The following TPRG1 variants were observed in gnomAD, a reference collection of about 807,000 sequenced individuals.
The protein encoded by TPRG1 is tumor protein p63-regulated gene 1 protein.
Under a neutral mutation model 29.3 loss-of-function variants are expected in TPRG1, and 29 were observed. That is an observed-to-expected ratio of 0.99 (90% confidence interval 0.74 to 1.35). TPRG1 has a LOEUF of 1.35. Among genes scored for constraint, TPRG1 ranks in the 40% most tolerant of loss-of-function variants. TPRG1 has a pLI of 0.00. For missense variants in TPRG1, 327 were observed against 335.0 expected (o/e 0.98, Z 0.19); for synonymous variants, 130 against 116.8 (o/e 1.11, Z -0.73).
At chr3:189,009,939 C>A (rs991211218) in intron 3 of TPRG1, among the ~76,000 whole-genome samples, 1 of 151,930 alleles carries the variant, frequency 6.6e-6, no homozygotes, top group Non-Finnish European at 1.5e-5. Context: ...TTTCCTGATC[C>A]TTTCCCACCC....
At chr3:189,068,515 G>A (rs916752817) in intron 4 of TPRG1, among the ~76,000 whole-genome samples, 5 of 152,210 alleles carry the variant, frequency 3.3e-5, no homozygotes, top group Non-Finnish European at 7.3e-5. Flanking sequence ...AGTGGCTCAC[G>A]CCTGTAATCC....
intron 4 of TPRG1, among the ~76,000 whole-genome samples, chr3:189,075,384 C>T (rs1180076992): frequency 6.6e-6 from 1 of 152,176 alleles, no homozygotes; most frequent in African/African-American, 2.4e-5. Context: ...ATCCACCCAC[C>T]TCGGCCTCCC....
chr3:189,288,736 C>T (rs1280324736), intron 4 of TPRG1, among the ~76,000 whole-genome samples: 1 of 152,256 alleles, frequency 6.6e-6, no homozygotes, highest in African/African-American at 2.4e-5. Flanking sequence ...AAATAGACTT[C>T]ATTATGATGC....
At chr3:189,002,286 CT>C (rs11351272) in intron 2 of TPRG1, among the ~76,000 whole-genome samples, 11,646 of 148,468 alleles carry the variant, frequency 0.078, 861 homozygotes, top group East Asian at 0.21. Flanking sequence ...CCAACATTCT[CT>C]TTTTTTTTTT....
chr3:189,054,463 A>G (rs950927465), intron 4 of TPRG1, among the ~76,000 whole-genome samples: 2 of 151,722 alleles, frequency 1.3e-5, no homozygotes, highest in African/African-American at 4.8e-5. Flanking sequence ...CCTGTAATCA[A>G]TGATCTTTGA....
At chr3:189,083,488 G>T (rs1717741000) in intron 4 of TPRG1, among the ~76,000 whole-genome samples, 1 of 152,152 alleles carries the variant, frequency 6.6e-6, no homozygotes, top group Non-Finnish European at 1.5e-5. Context: ...AGCAGGGAAG[G>T]GTTAGGTGAC....
chr3:189,259,897 C>G (rs963373509), intron 4 of TPRG1, among the ~76,000 whole-genome samples: 3 of 152,162 alleles, frequency 2.0e-5, no homozygotes, highest in Non-Finnish European at 1.5e-5. Flanking sequence ...CTGATTTCAC[C>G]TCCTCCTCTG....
At chr3:189,144,921 C>G (rs1725045020) in intron 3 of TPRG1, among the ~76,000 whole-genome samples, 1 of 152,154 alleles carries the variant, frequency 6.6e-6, no homozygotes. Flanking sequence ...GTTTCACGGG[C>G]AGGTGAATAA....
At chr3:189,052,710 A>C (rs1056170377) in intron 4 of TPRG1, among the ~76,000 whole-genome samples, 1 of 152,218 alleles carries the variant, frequency 6.6e-6, no homozygotes, top group African/African-American at 2.4e-5. Context: ...TCAATCAATG[A>C]GTGGATAAAG....
chr3:189,205,852 A>C (rs6785897), intron 1 of TPRG1, among the ~76,000 whole-genome samples: 17,592 of 152,208 alleles, frequency 0.12, 3,022 homozygotes, highest in African/African-American at 0.37. Flanking sequence ...CATTACTAGC[A>C]CCCACAGACA....
rs57595103 is a variant in TPRG1, at chr3:189,173,647, C to T, written c.-10+1516C>T. On this transcript the variant is annotated intron_variant, in intron 1 of 5. Coordinates refer to ENST00000345063, the MANE Select transcript of TPRG1 (RefSeq NM_198485.4). ...TTTATTCAAAACAGAGAAACTGAGG[C>T]CCAGAAAGATGAAGTGATATGCACA... Among the ~76,000 whole-genome samples, 223 of 152,062 alleles carry T rather than the reference C, an allele frequency of 1.5e-3. 1 individual carries two copies. The highest frequency in any genetic ancestry group is 5.3e-3 in the African/African-American group (218 of 41,474).
At chr3:189,004,434 A>G (rs761598573) in intron 2 of TPRG1, 1 of 152,132 alleles carries the variant, frequency 6.6e-6, no homozygotes, top group Non-Finnish European at 1.5e-5. Flanking sequence ...TACATGATGG[A>G]TAGTTCTGGC....
At chr3:189,211,248 T>C (rs1735214231) in intron 2 of TPRG1, among the ~76,000 whole-genome samples, 1 of 152,222 alleles carries the variant, frequency 6.6e-6, no homozygotes, top group African/African-American at 2.4e-5. Flanking sequence ...TAACTTTTGT[T>C]GTATATGTAG....
At position 189,106,679 on chromosome 3, in the gene TPRG1, A is replaced by T. The variant is rs145139890; in HGVS notation, c.-744+6475A>T. Among the ~76,000 whole-genome samples the T allele has an allele frequency of 1.4e-3, 216 of 152,274 alleles. 1 individual carries two copies. Among genetic ancestry groups the T allele is most frequent in the African/African-American group, 5.1e-3 (210 of 41,564 alleles). On this transcript the variant is annotated intron_variant, in intron 1 of 6. Coordinates refer to the TPRG1 transcript ENST00000412373. ...TGAATAAATGACTATTACATTTGTA[A>T]TAAATGTAATAAATGATTGTCACAC... is the stretch of plus-strand genomic sequence containing the variant.
At chr3:189,266,853 A>G (rs1052863319) in intron 4 of TPRG1, among the ~76,000 whole-genome samples, 1 of 152,028 alleles carries the variant, frequency 6.6e-6, no homozygotes, top group Non-Finnish European at 1.5e-5. Context: ...GCTATTTCAT[A>G]TAGTTACCGT....
chr3:189,299,734 A>G (rs1720543090), intron 4 of TPRG1, among the ~76,000 whole-genome samples: 1 of 152,010 alleles, frequency 6.6e-6, no homozygotes, highest in African/African-American at 2.4e-5. Context: ...TGATTTAGAC[A>G]TCGACCCTAT....
chr3:189,261,863 A>T (rs944929707), intron 4 of TPRG1, among the ~76,000 whole-genome samples: 6 of 152,186 alleles, frequency 3.9e-5, no homozygotes, highest in African/African-American at 1.4e-4. Flanking sequence ...ATGCCCAACT[A>T]GTGTGCTCAT....
At chr3:189,158,909 C>T (rs564231795) in intron 5 of TPRG1, among the ~76,000 whole-genome samples, 15 of 152,038 alleles carry the variant, frequency 9.9e-5, no homozygotes, top group African/African-American at 3.1e-4. Context: ...ATCCAAAGAG[C>T]TCATCAAGTT....
At chr3:189,192,079 G>T (rs4686507) in intron 1 of TPRG1, among the ~76,000 whole-genome samples, 16 of 151,970 alleles carry the variant, frequency 1.1e-4, no homozygotes, top group Non-Finnish European at 1.8e-4. Flanking sequence ...ATGGAGCCCA[G>T]TCATAGGCAA....
Sources: gnomAD v4.1 joint callset for allele counts (sites outside exome capture counted in the v4.1 genomes callset) on GRCh38, gnomAD v4.1.1 for gene constraint, MANE v1.5 for transcripts, NCBI Gene and HGNC (gene_info 2026-07-23, HGNC 2026-07-21) for gene names.